Variants in ATRN observed in about 807,000 individuals in gnomAD.
ATRN encodes the protein attractin-2.
Under a neutral mutation model 178.7 loss-of-function variants are expected in ATRN, and 54 were observed. That is an observed-to-expected ratio of 0.30 (90% CI 0.24 to 0.38). The LOEUF (loss-of-function observed/expected upper bound fraction) is 0.38, where lower values mean the gene tolerates loss of function less well. ATRN is among the 10% of genes least tolerant of loss of function. ATRN has a pLI of 1.00. For missense variants in ATRN, 1,443 were observed against 1,815.1 expected (o/e 0.79, Z 3.73); for synonymous variants, 636 against 663.0 (o/e 0.96, Z 0.63).
At chr20:3,573,375 T>TTTTAA (rs1286110140) in intron 12 of ATRN, among the ~76,000 whole-genome samples, 1 of 152,210 alleles carries the variant, frequency 6.6e-6, no homozygotes, top group African/African-American at 2.4e-5. Flanking sequence ...AGAACTGAAT[T>TTTTAA]TTTAATTTAA....
At chr20:3,484,102 T>A (rs538656871) in intron 1 of ATRN, among the ~76,000 whole-genome samples, 2 of 152,078 alleles carry the variant, frequency 1.3e-5, no homozygotes, top group South Asian at 2.1e-4. Flanking sequence ...TTTAAAAATT[T>A]GCAGGGCATG....
chr20:3,527,862 G>C (rs1285520115), intron 1 of ATRN, among the ~76,000 whole-genome samples: 2 of 135,342 alleles, frequency 1.5e-5, no homozygotes, highest in East Asian at 4.7e-4. Context: ...AGTGGGAGTT[G>C]AACAGTTAGA....
At chr20:3,630,263 C>A (rs1407938221) in intron 25 of ATRN, among the ~76,000 whole-genome samples, 3 of 152,216 alleles carry the variant, frequency 2.0e-5, no homozygotes, top group African/African-American at 7.2e-5. Context: ...GTATTCATCA[C>A]AATTTGAAGA....
chr20:3,597,074 A>ATATATATATATATAT (rs1555822793), intron 21 of ATRN, among the ~76,000 whole-genome samples: 3 of 146,970 alleles, frequency 2.0e-5, no homozygotes, highest in Admixed American at 6.8e-5. Flanking sequence ...ATATATATAT[A>ATATATATATATATAT]AAACTTCTAA....
chr20:3,525,346 G>T lies in ATRN; in HGVS notation c.411-9907G>T, dbSNP rs374482052. ...CACATACACCCTCCCAAGACTAAACGAGGGAAAAGTTGAATCCCTGAACAG... is the reference window on the plus strand; with the variant it reads ...CACATACACCCTCCCAAGACTAAACTAGGGAAAAGTTGAATCCCTGAACAG... On this transcript the variant is annotated intron_variant, in intron 1 of 28. Coordinates refer to ENST00000262919, the MANE Select transcript of ATRN (RefSeq NM_139321.3). Among the ~76,000 whole-genome samples, 3 of 152,142 alleles carry T rather than the reference G, an allele frequency of 2.0e-5. No homozygotes were observed. In the South Asian group the frequency reaches 6.2e-4, roughly 32 times the overall value.
chr20:3,492,867 G>GCGCA (rs56795020), intron 1 of ATRN, among the ~76,000 whole-genome samples: 10 of 111,762 alleles, frequency 8.9e-5, no homozygotes, highest in African/African-American at 4.0e-4. Flanking sequence ...GCGCGCGCGC[G>GCGCA]TGCGCACGCA....
rs138880928 is a variant in ATRN at position 3,540,285 on chromosome 20, A to G, written c.558A>G (p.Leu186=). 18 of 1,611,516 alleles carry G rather than the reference A, an allele frequency of 1.1e-5. No individual in the cohort carries two copies. In the African/African-American group the frequency reaches 2.1e-4, roughly 19 times the overall value. The change falls in exon 3 of 29, where the codon TTA becomes TTG. Residue 186 remains leucine, a synonymous_variant. Coordinates refer to ENST00000262919, the MANE Select transcript of ATRN (RefSeq NM_139321.3). ...CTACAGAGTGTAGTTGGGACCATTT[A>G]TATGTTTATGATGGGGACTCAATTT... ...HFATECSWDH[L]YVYDGDSIYA... is the part of the protein sequence containing the mutation.
chr20:3,509,795 C>T (rs746155597), intron 1 of ATRN, among the ~76,000 whole-genome samples: 15 of 152,124 alleles, frequency 9.9e-5, no homozygotes, highest in African/African-American at 2.4e-4. Flanking sequence ...TGAGCCACCA[C>T]GCCCAGCCAC....
At position 3,555,194 on chromosome 20, in the gene ATRN, G is replaced by A. The variant is rs181723537; in HGVS notation, c.1113-4199G>A. ...TTTTTTGTATTTTTTTAGTAGAGAC[G>A]GGGTTTCACCGTGTTAGCCAGGATG... On this transcript the variant is annotated intron_variant, in intron 6 of 28. Coordinates refer to ENST00000262919, the MANE Select transcript of ATRN (RefSeq NM_139321.3). Among the ~76,000 whole-genome samples, 905 of 151,286 alleles carry A rather than the reference G, an allele frequency of 6.0e-3. 12 individuals carry two copies. The highest frequency in any genetic ancestry group is 0.02 in the African/African-American group (832 of 41,138).
chr20:3,541,177 A>C lies in ATRN; in HGVS notation c.608+842A>C, dbSNP rs545696292. Among the ~76,000 whole-genome samples the C allele has an allele frequency of 6.7e-5, 10 of 149,368 alleles. No homozygotes were observed. In the South Asian group the frequency reaches 1.3e-3, roughly 19 times the overall value. ...ACTGCAAGCTCCGCCTCCCGGGTTCACGCCATTCTCCTGCCTCAGCCTCCC... is the reference window on the plus strand; with the variant it reads ...ACTGCAAGCTCCGCCTCCCGGGTTCCCGCCATTCTCCTGCCTCAGCCTCCC... On this transcript the variant is annotated intron_variant, in intron 3 of 28. Coordinates refer to ENST00000262919, the MANE Select transcript of ATRN (RefSeq NM_139321.3).
intron 24 of ATRN, among the ~76,000 whole-genome samples, chr20:3,618,309 A>G (rs1001446787): frequency 3.3e-5 from 5 of 152,208 alleles, no homozygotes; most frequent in African/African-American, 1.2e-4. Context: ...TAAAATGGAT[A>G]GATCAGGAAA....
At chr20:3,518,070 T>G (rs1197288001) in intron 1 of ATRN, among the ~76,000 whole-genome samples, 2 of 152,268 alleles carry the variant, frequency 1.3e-5, no homozygotes, top group Non-Finnish European at 2.9e-5. Flanking sequence ...CTATCTTCAG[T>G]GTGTTCTGTA....
chr20:3,512,991 G>A (rs1303962953), intron 1 of ATRN, among the ~76,000 whole-genome samples: 1 of 152,074 alleles, frequency 6.6e-6, no homozygotes, highest in African/African-American at 2.4e-5. Context: ...TGAGTTCTTT[G>A]TAGATTCTGG....
intron 25 of ATRN, among the ~76,000 whole-genome samples, chr20:3,627,006 C>T (rs1005585343): frequency 2.6e-5 from 4 of 152,110 alleles, no homozygotes; most frequent in East Asian, 1.9e-4. Context: ...AGGCTGGTCT[C>T]GAACTCCTGA....
At chr20:3,597,511 A>G (rs1331638921) in intron 21 of ATRN, among the ~76,000 whole-genome samples, 1 of 152,234 alleles carries the variant, frequency 6.6e-6, no homozygotes, top group East Asian at 1.9e-4. Context: ...ATGGCTTTTT[A>G]GAAGACAGTG....
At chr20:3,515,440 A>T (rs1457810714) in intron 1 of ATRN, among the ~76,000 whole-genome samples, 4 of 152,192 alleles carry the variant, frequency 2.6e-5, no homozygotes, top group African/African-American at 9.7e-5. Context: ...GTGAACTGAG[A>T]AGAAGCTGCC....
chr20:3,490,574 A>C (rs927624680), intron 1 of ATRN: 1 of 1,061,862 alleles, frequency 9.4e-7, no homozygotes, highest in Non-Finnish European at 1.5e-6. Context: ...ACGTTAATGT[A>C]CTTGAGGTAA....
At chr20:3,532,251 CA>C (rs988357374) in intron 1 of ATRN, among the ~76,000 whole-genome samples, 9 of 152,194 alleles carry the variant, frequency 5.9e-5, no homozygotes, top group African/African-American at 2.2e-4. Context: ...AGTGGAGAGC[CA>C]TAAAACCTTT....
At chr20:3,515,028 C>G (rs984226874) in intron 1 of ATRN, among the ~76,000 whole-genome samples, 8 of 152,156 alleles carry the variant, frequency 5.3e-5, no homozygotes, top group African/African-American at 1.9e-4. Context: ...GGATAACTAT[C>G]ACACTGTGTG....
Sources: allele counts gnomAD v4.1 joint callset (sites outside exome capture counted in the v4.1 genomes callset), GRCh38; gene constraint gnomAD v4.1.1; transcripts MANE v1.5; gene names NCBI Gene and HGNC (gene_info 2026-07-23, HGNC 2026-07-21).